Variants in NEDD9 observed in about 807,000 individuals in gnomAD.
NEDD9 encodes neural precursor cell expressed, developmentally down-regulated 9.
In NEDD9, 26 loss-of-function variants were observed where a neutral mutation model predicts 76.6. The ratio of observed to expected loss-of-function variants is 0.34; its 90% CI spans 0.25 to 0.47. NEDD9 has a LOEUF of 0.47. Ranked by LOEUF, NEDD9 falls within the 20% of genes least tolerant of loss-of-function variation. The pLI, the probability that NEDD9 is intolerant of heterozygous loss-of-function variation, is 1.00. For missense variants in NEDD9, 937 were observed against 1,058.5 expected (o/e 0.89, Z 1.59); for synonymous variants, 392 against 414.2 (o/e 0.95, Z 0.65).
chr6:11,360,533 C>T (rs1762660391), intron 1 of NEDD9, among the ~76,000 whole-genome samples: 1 of 151,018 alleles, frequency 6.6e-6, no homozygotes, highest in Non-Finnish European at 1.5e-5. Context: ...GGTTGCTGTT[C>T]TCCTGATAGT....
chr6:11,305,986 A>G (rs1761175317), intron 3 of NEDD9: 6 of 1,613,918 alleles, frequency 3.7e-6, no homozygotes, highest in Non-Finnish European at 5.1e-6. Flanking sequence ...TTCTATCAGT[A>G]CTCACCCTTG....
At chr6:11,340,608 G>A (rs1398345213) in intron 1 of NEDD9, among the ~76,000 whole-genome samples, 2 of 152,178 alleles carry the variant, frequency 1.3e-5, no homozygotes, top group Non-Finnish European at 2.9e-5. Flanking sequence ...CAGATGATGT[G>A]ATCTTCCACA....
intron 3 of NEDD9, chr6:11,259,100 A>C (rs1056559771): frequency 2.0e-5 from 3 of 152,198 alleles, no homozygotes; most frequent in Non-Finnish European, 4.4e-5. Flanking sequence ...TCCTCACCCA[A>C]TGGCTGCAGG....
chr6:11,258,009 A>C (rs1760038359), intron 3 of NEDD9, among the ~76,000 whole-genome samples: 1 of 152,228 alleles, frequency 6.6e-6, no homozygotes. Context: ...CAGAGTTGGA[A>C]TATCCCCAAA....
rs1211636654 is a variant in NEDD9, at chr6:11,297,127, G to GTTTT, written c.12+8861_12+8864dup. ...GTGAAAAAGCTTTGCAGTTTAATTT[G>GTTTT]TTTTGTTTTTTTTTTTTTTTGGTTT... On this transcript the variant is annotated intron_variant, in intron 3 of 3. Coordinates refer to the NEDD9 transcript ENST00000397378. Among the ~76,000 whole-genome samples the GTTTT allele has an allele frequency of 9.1e-5, 11 of 121,322 alleles. No individual in the cohort carries two copies. The East Asian group carries it at 1.9e-3, about 21-fold the overall frequency. 79.6% of individuals were successfully genotyped at this position (121,322 alleles called of 152,430 possible). A position where few individuals can be genotyped will look rare whatever the true frequency, so the allele number is the denominator to read the frequency against.
At chr6:11,379,521 G>C (rs773783568) in intron 1 of NEDD9, among the ~76,000 whole-genome samples, 17 of 152,182 alleles carry the variant, frequency 1.1e-4, no homozygotes, top group Non-Finnish European at 1.9e-4. Flanking sequence ...CTGGGAGGCA[G>C]AAGTTGCAGT....
chr6:11,342,855 T>G (rs1359532284), intron 1 of NEDD9, among the ~76,000 whole-genome samples: 1 of 152,206 alleles, frequency 6.6e-6, no homozygotes, highest in African/African-American at 2.4e-5. Flanking sequence ...GAAGCCACAT[T>G]CAAAAGACTT....
upstream of NEDD9, among the ~76,000 whole-genome samples, chr6:11,235,297 A>G (rs1759576010): frequency 6.6e-6 from 1 of 152,098 alleles, no homozygotes; most frequent in Non-Finnish European, 1.5e-5. The surrounding 1 kb of genome is among the most constrained non-coding windows in gnomAD (Gnocchi z 4.1). Flanking sequence ...TTAATATTAG[A>G]CTACTGTTGA....
intron 1 of NEDD9, among the ~76,000 whole-genome samples, chr6:11,215,592 C>T (rs1056736394): frequency 2.0e-5 from 3 of 152,136 alleles, no homozygotes; most frequent in African/African-American, 4.8e-5. Context: ...AGATTCTGGT[C>T]CTTTTACTAA....
upstream of NEDD9, chr6:11,232,740 G>A: frequency 7.0e-7 from 1 of 1,421,190 alleles, no homozygotes; most frequent in South Asian, 1.5e-5. Context: ...TTGGCTAGTG[G>A]GACAAGGTAA....
intron 1 of NEDD9, among the ~76,000 whole-genome samples, chr6:11,335,761 T>C (rs868228223): frequency 8.5e-5 from 13 of 152,360 alleles, no homozygotes; most frequent in Non-Finnish European, 1.3e-4. Flanking sequence ...ATTGTTCCTA[T>C]TTGAATTAAT....
chr6:11,250,026 C>T (rs561690828), intron 3 of NEDD9, among the ~76,000 whole-genome samples: 5 of 152,282 alleles, frequency 3.3e-5, no homozygotes, highest in Admixed American at 1.3e-4. Flanking sequence ...CTGAAGTGGG[C>T]GGTGAGCTCC....
intron 3 of NEDD9, among the ~76,000 whole-genome samples, chr6:11,300,377 C>G (rs1761017137): frequency 6.6e-6 from 1 of 152,174 alleles, no homozygotes; most frequent in African/African-American, 2.4e-5. Context: ...AAGACCAAAT[C>G]TACGTTTGAT....
rs186246181 is a variant in NEDD9, at chr6:11,225,331, G to A, written c.12+7173C>T. 8.5e-4 allele frequency among the ~76,000 whole-genome samples: 130 copies of A among 152,180 alleles called. 1 individual carries two copies. Among genetic ancestry groups the A allele is most frequent in the Admixed American group, 8.4e-3 (128 of 15,294 alleles). On this transcript the variant is annotated intron_variant, in intron 1 of 6. Coordinates refer to ENST00000379446, the MANE Select transcript of NEDD9 (RefSeq NM_006403.4). ...GACATATCAGGGGGAATTCTAATTC[G>A]CAAGACTGAGATTTGCAAAGAAACA... is the stretch of plus-strand genomic sequence containing the variant.
chr6:11,363,249 G>T (rs1422665493), intron 1 of NEDD9, among the ~76,000 whole-genome samples: 1 of 152,124 alleles, frequency 6.6e-6, no homozygotes, highest in African/African-American at 2.4e-5. Flanking sequence ...ATAAGATAGA[G>T]GTAATCCCAT....
chr6:11,227,226 C>A (rs1028568964), intron 1 of NEDD9, among the ~76,000 whole-genome samples: 6 of 152,200 alleles, frequency 3.9e-5, no homozygotes, highest in African/African-American at 1.4e-4. Context: ...TCAACCATCT[C>A]AACCTAGTAA....
At chr6:11,278,884 A>C (rs1346255494) in intron 3 of NEDD9, among the ~76,000 whole-genome samples, 1 of 152,098 alleles carries the variant, frequency 6.6e-6, no homozygotes. Context: ...GTAAGTAAAG[A>C]GTAGCAGCTG....
intron 1 of NEDD9, among the ~76,000 whole-genome samples, chr6:11,356,703 T>C (rs1289452878): frequency 6.6e-6 from 1 of 151,950 alleles, no homozygotes; most frequent in East Asian, 1.9e-4. Flanking sequence ...CTGGTCTCTT[T>C]AATCGTTGGC....
intron 3 of NEDD9, among the ~76,000 whole-genome samples, chr6:11,278,077 C>T (rs1413092207): frequency 6.6e-6 from 1 of 152,200 alleles, no homozygotes; most frequent in East Asian, 1.9e-4. Flanking sequence ...TGCTGCCTCC[C>T]TGCTTCTCTC....
Sources: gnomAD v4.1 joint callset for allele counts (sites outside exome capture counted in the v4.1 genomes callset) on GRCh38, gnomAD v4.1.1 for gene constraint, Gnocchi (gnomAD v3.1) non-coding constraint, MANE v1.5 for transcripts, NCBI Gene and HGNC (gene_info 2026-07-23, HGNC 2026-07-21) for gene names.